Variants in LMF1 observed in about 807,000 individuals in gnomAD.
The protein encoded by LMF1 is transmembrane protein 112.
LMF1 carries 68 observed loss-of-function variants against 60.6 expected under a neutral mutation model. The observed-to-expected ratio is 1.12, with a 90% CI of 0.92 to 1.37. The LOEUF (loss-of-function observed/expected upper bound fraction) is 1.37. Ranked by LOEUF, LMF1 falls within the 40% of genes most tolerant of loss-of-function variation. The pLI is 0.00. For synonymous variants in LMF1, 418 were observed against 324.7 expected, an observed-to-expected ratio of 1.29 and a Z score of -3.09; for missense variants, 948 against 767.2, an observed-to-expected ratio of 1.24 and a Z score of -2.78.
chr16:870,434 G>A (rs1016212831), intron 8 of LMF1, among the ~76,000 whole-genome samples: 1 of 152,226 alleles, frequency 6.6e-6, no homozygotes, highest in Non-Finnish European at 1.5e-5. Context: ...CCACGCAGGG[G>A]GTTGGGGCCT....
intron 2 of LMF1, among the ~76,000 whole-genome samples, chr16:952,308 AC>A (rs3884217): frequency 3.6e-4 from 53 of 146,974 alleles, no homozygotes; most frequent in African/African-American, 6.7e-4. Flanking sequence ...CAAAGTGGGG[AC>A]CCCCCCCCAC....
chr16:946,640 C>T (rs983967406), intron 2 of LMF1, among the ~76,000 whole-genome samples: 4 of 152,328 alleles, frequency 2.6e-5, no homozygotes, highest in Middle Eastern at 3.4e-3. Context: ...TGGGAGTTCC[C>T]GTCTACAGGT....
chr16:856,322 C>T (rs1022331379), intron 10 of LMF1, among the ~76,000 whole-genome samples: 3 of 152,154 alleles, frequency 2.0e-5, no homozygotes, highest in African/African-American at 7.2e-5. Context: ...CACACTGGAC[C>T]CCGAGGTCGA....
At chr16:980,670 G>A (rs1256697624) in intron 1 of LMF1, 1 of 147,800 alleles carries the variant, frequency 6.8e-6, no homozygotes, top group South Asian at 2.2e-4. Context: ...AGCCACCCTC[G>A]GGGACGGCCG....
chr16:906,133 C>G (rs1250380247), intron 4 of LMF1, among the ~76,000 whole-genome samples: 1 of 152,216 alleles, frequency 6.6e-6, no homozygotes, highest in Admixed American at 6.5e-5. Flanking sequence ...GCTTCTTTCT[C>G]TCAGTTGAAT....
At chr16:970,203 C>T (rs1009069050) in intron 1 of LMF1, among the ~76,000 whole-genome samples, 2 of 152,262 alleles carry the variant, frequency 1.3e-5, no homozygotes, top group African/African-American at 2.4e-5. Flanking sequence ...AGTCACCTTC[C>T]CTCAGCCCCT....
At chr16:910,833 C>A in intron 4 of LMF1, 98 bp downstream of exon 4, 3 of 1,486,798 alleles carry the variant, frequency 2.0e-6, no homozygotes, top group East Asian at 4.6e-5. Flanking sequence ...CAGAGGGCGG[C>A]GGGGGAGGAA....
chr16:868,240 C>T (rs187990932), intron 10 of LMF1, among the ~76,000 whole-genome samples: 581 of 152,206 alleles, frequency 3.8e-3, no homozygotes, highest in Non-Finnish European at 6.4e-3. Flanking sequence ...GATCCCCTCC[C>T]GTACCCCAGC....
At chr16:875,768 G>A (rs1181157777) in intron 6 of LMF1, among the ~76,000 whole-genome samples, 4 of 152,298 alleles carry the variant, frequency 2.6e-5, no homozygotes, top group Middle Eastern at 3.4e-3. Context: ...CGAGCCTGGC[G>A]TGGGCATCTC....
chr16:950,931 A>G (rs2072442651), intron 2 of LMF1, among the ~76,000 whole-genome samples: 1 of 151,610 alleles, frequency 6.6e-6, no homozygotes, highest in African/African-American at 2.4e-5. Context: ...CCAATGACAG[A>G]GTCAGCCAAT....
rs1408736726 is a variant in LMF1 at position 970,880 on chromosome 16, C to T, written c.101G>A (p.Gly34Glu). Reference sequence around the variant, plus strand: ...GGCCGGAGAGCCTGCGGGGCCACGCCCCGGCGCGGGCGGCGACTCAGGCTC... The same window carrying T: ...GGCCGGAGAGCCTGCGGGGCCACGCTCCGGCGCGGGCGGCGACTCAGGCTC... The part of the protein sequence containing the change: ...DPEPESPPAP[G>E]RGPAGSPAHL... The change falls in exon 1 of 11, where the codon GGG (glycine) becomes GAG (glutamate). Residue 34 changes from glycine (G) to glutamate (E), a missense_variant. Coordinates refer to ENST00000262301, the MANE Select transcript of LMF1 (RefSeq NM_022773.4). The T allele has an allele frequency of 1.3e-6, 2 of 1,571,752 alleles. No homozygotes were observed.
At position 914,978 on chromosome 16, in the gene LMF1, G is replaced by A. The variant is rs545196433; in HGVS notation, c.515-3899C>T. 1.3e-4 allele frequency among the ~76,000 whole-genome samples: 20 copies of A among 152,376 alleles called. No homozygotes were observed. In the South Asian group the frequency reaches 1.7e-3, roughly 13 times the overall value. ...ACACAGCTCTCAGCCCTAAATCGGC[G>A]TCTCTAAGGACTCCGGCCTCGCTGC... On this transcript the variant is annotated intron_variant, in intron 3 of 10. Coordinates refer to ENST00000262301, the MANE Select transcript of LMF1 (RefSeq NM_022773.4).
chr16:954,696 G>C (rs1449349193), intron 1 of LMF1, 30 bp from the exon 2 acceptor site: 1 of 1,552,976 alleles, frequency 6.4e-7, no homozygotes, highest in East Asian at 2.3e-5. Context: ...AAACAAGCAT[G>C]ACTAGGAACA....
intron 2 of LMF1, among the ~76,000 whole-genome samples, chr16:940,312 C>T (rs542742653): frequency 2.6e-5 from 4 of 152,220 alleles, no homozygotes; most frequent in South Asian, 2.1e-4. Flanking sequence ...TGCAGAATGC[C>T]GCCATGCATC....
At chr16:935,405 G>A (rs1212017926) in intron 2 of LMF1, among the ~76,000 whole-genome samples, 9 of 152,118 alleles carry the variant, frequency 5.9e-5, no homozygotes, top group East Asian at 5.8e-4. Context: ...TGTTTTCAAC[G>A]TGGTGCTGAT....
Position 954,997 on chromosome 16 carries a change from T to C in LMF1, c.194-331A>G, listed in dbSNP as rs1300895671. ...ATCTAAGTGAACCAGACACGTTACA[T>C]AAAATGCGTGCCTGCAGCAGATGCG... On this transcript the variant is annotated intron_variant, in intron 1 of 10. Coordinates refer to ENST00000262301, the MANE Select transcript of LMF1 (RefSeq NM_022773.4). Among the ~76,000 whole-genome samples the C allele has an allele frequency of 4.9e-5, 7 of 143,762 alleles. 1 individual carries two copies. The highest frequency in any genetic ancestry group is 1.1e-4 in the Non-Finnish European group (7 of 65,818). The allele number at this position is 143,762 out of a possible 152,430, so 94.3% of individuals were successfully genotyped here. A position where few individuals can be genotyped will look rare whatever the true frequency, so the allele number is the denominator to read the frequency against.
intron 2 of LMF1, among the ~76,000 whole-genome samples, chr16:953,183 C>G (rs1218116415): frequency 1.2e-5 from 1 of 81,780 alleles, no homozygotes; most frequent in South Asian, 4.3e-4. Context: ...ACAGACACCC[C>G]AAACCAGCCT....
chr16:916,773 G>T (rs1417309481), intron 3 of LMF1, among the ~76,000 whole-genome samples: 2 of 152,254 alleles, frequency 1.3e-5, no homozygotes, highest in Admixed American at 1.3e-4. Flanking sequence ...CTCTGCCACT[G>T]AGGCCTGCGG....
At chr16:955,814 G>A (rs2072685660) in intron 1 of LMF1, among the ~76,000 whole-genome samples, 1 of 152,216 alleles carries the variant, frequency 6.6e-6, no homozygotes, top group South Asian at 2.1e-4. Flanking sequence ...ACACCCTGAG[G>A]ACCCTGGCTC....
Sources: allele counts gnomAD v4.1 joint callset (sites outside exome capture counted in the v4.1 genomes callset), GRCh38; gene constraint gnomAD v4.1.1; transcripts MANE v1.5; gene names NCBI Gene and HGNC (gene_info 2026-07-23, HGNC 2026-07-21).